The following ST3GAL4 variants were observed in gnomAD, a reference collection of about 807,000 sequenced individuals.
ST3GAL4 encodes the protein ST3 beta-galactoside alpha-2,3-sialyltransferase 4.
A neutral mutation model predicts 42.6 loss-of-function variants in ST3GAL4; 24 were observed. The observed-to-expected ratio is 0.56, with a 90% CI of 0.41 to 0.79. ST3GAL4 has a LOEUF of 0.79. Among genes scored for constraint, ST3GAL4 ranks in the 30% least tolerant of loss-of-function variants. The probability of loss-of-function intolerance (pLI) is 0.00; values close to 1 mark genes in which losing one functional copy is unlikely to be tolerated. For synonymous variants in ST3GAL4, 135 were observed against 163.2 expected, an observed-to-expected ratio of 0.83 and a Z score of 1.32; for missense variants, 311 against 430.8, an observed-to-expected ratio of 0.72 and a Z score of 2.46.
In ST3GAL4 at chr11:126,400,184, C is replaced by A. The variant is rs1953943299; in HGVS notation, c.-60-5912C>A. Among the ~76,000 whole-genome samples the A allele has an allele frequency of 1.3e-5, 2 of 152,200 alleles. No homozygotes were observed. Among genetic ancestry groups the A allele is most frequent in the African/African-American group, 4.8e-5 (2 of 41,450 alleles). On this transcript the variant is annotated intron_variant, in intron 1 of 10. Coordinates refer to ENST00000444328, the MANE Select transcript of ST3GAL4 (RefSeq NM_001254757.2). This position sits in a 1 kb window ranked among gnomAD's most constrained non-coding sequence, Gnocchi z 4.6. Reference sequence around the variant, plus strand: ...ATAGAATTTTATTTGGCTCATGGTTCTGGAGGCTGGGAAGTCCAAGATCAA... The same window carrying A: ...ATAGAATTTTATTTGGCTCATGGTTATGGAGGCTGGGAAGTCCAAGATCAA...
Position 126,376,292 on chromosome 11 carries a change from C to A in ST3GAL4, c.-61+20450C>A, listed in dbSNP as rs1033879196. 6.6e-6 allele frequency among the ~76,000 whole-genome samples: 1 copy of A among 151,920 alleles called. No homozygotes were observed. The highest frequency in any genetic ancestry group is 2.1e-4 in the South Asian group (1 of 4,804). On this transcript the variant is annotated intron_variant, in intron 1 of 10. Coordinates refer to ENST00000444328, the MANE Select transcript of ST3GAL4 (RefSeq NM_001254757.2). The surrounding 1 kb of genome is among the most constrained non-coding windows in gnomAD (Gnocchi z 5.1). ...CCTGTGTGAAAGAGAATTTTTCAGG[C>A]ACAATAATATTTTAAAGAGTTTATT...
chr11:126,405,044 G>T (rs1389152271), intron 1 of ST3GAL4, among the ~76,000 whole-genome samples: 2 of 152,248 alleles, frequency 1.3e-5, no homozygotes, highest in Non-Finnish European at 2.9e-5. Context: ...TGGGCTGTTT[G>T]TGAAAATGCC....
rs778451724 is a variant in ST3GAL4, at chr11:126,406,547, T to A, written c.91T>A (p.Tyr31Asn). Residue 31 changes from tyrosine to asparagine, a missense_variant, in exon 3 of 11, where the codon TAC becomes AAC. Tyr to Asn is a moderately radical substitution (Grantham distance 143). Transcript: ENST00000444328. This position sits in a 1 kb window ranked among gnomAD's most constrained non-coding sequence, Gnocchi z 5.4. ...GTATTCCATCTCCCGGGAAGACAGG[T>A]ACATCGAGCTGTGAGTTCACCTTCC... The part of the protein sequence containing the change: ...VWYSISREDR[Y>N]IELFYFPIPE... 4.3e-6 allele frequency: 7 copies of A among 1,614,068 alleles called. No individual in the cohort carries two copies. The African/African-American group carries it at 8.0e-5, about 18-fold the overall frequency.
chr11:126,408,069 T>C, intron 6 of ST3GAL4, 30 bp from the exon 7 acceptor site: 1 of 1,608,230 alleles, frequency 6.2e-7, no homozygotes, highest in Middle Eastern at 1.7e-4. Flanking sequence ...GAGTGTGGGG[T>C]GACATAGACC....
intron 1 of ST3GAL4, among the ~76,000 whole-genome samples, chr11:126,361,200 G>A (rs1952229808): frequency 6.6e-6 from 1 of 152,162 alleles, no homozygotes. Flanking sequence ...GTACCCCTAC[G>A]GTGGAACCCT....
chr11:126,385,868 GGTGTC>G (rs148030711), intron 1 of ST3GAL4, among the ~76,000 whole-genome samples: 4,439 of 151,834 alleles, frequency 0.029, 215 homozygotes, highest in African/African-American at 0.1. Context: ...CGAATCCAGT[GGTGTC>G]ACTCTTTGTT....
chr11:126,363,394 G>C lies in ST3GAL4; in HGVS notation c.-61+7552G>C, dbSNP rs1793197158. ...TCAGCATTCAGGTTGTCCTCATAGTGGAACTGGGACTCTGGGGGTGGCTGG... is the reference window on the plus strand; with the variant it reads ...TCAGCATTCAGGTTGTCCTCATAGTCGAACTGGGACTCTGGGGGTGGCTGG... On this transcript the variant is annotated intron_variant, in intron 1 of 10. Transcript: ENST00000444328. The surrounding 1 kb of genome is among the most constrained non-coding windows in gnomAD (Gnocchi z 4.6). Among the ~76,000 whole-genome samples the C allele has an allele frequency of 6.6e-6, 1 of 152,152 alleles. No homozygotes were observed. Among genetic ancestry groups the C allele is most frequent in the Non-Finnish European group, 1.5e-5 (1 of 68,030 alleles).
rs1358731847 is a variant in ST3GAL4, at chr11:126,366,776, C to A, written c.-61+10934C>A. Reference sequence around the variant, plus strand: ...CAGCAGATGTTCTGGTGAGGGGAGGCGGGAGTGCAAGGTCTGCCGAGTGAG... The same window carrying A: ...CAGCAGATGTTCTGGTGAGGGGAGGAGGGAGTGCAAGGTCTGCCGAGTGAG... On this transcript the variant is annotated intron_variant, in intron 1 of 10. Coordinates refer to ENST00000444328, the MANE Select transcript of ST3GAL4 (RefSeq NM_001254757.2). This position sits in a 1 kb window ranked among gnomAD's most constrained non-coding sequence, Gnocchi z 4.2. 1.3e-5 allele frequency among the ~76,000 whole-genome samples: 2 copies of A among 152,140 alleles called. No homozygotes were observed. Among genetic ancestry groups the A allele is most frequent in the African/African-American group, 4.8e-5 (2 of 41,416 alleles).
chr11:126,395,225 T>C (rs1041968281), intron 1 of ST3GAL4, among the ~76,000 whole-genome samples: 9 of 152,098 alleles, frequency 5.9e-5, no homozygotes, highest in African/African-American at 2.2e-4. Flanking sequence ...AACACGTTTG[T>C]ATTGAGAGCC....
Position 126,386,324 on chromosome 11 carries a change from T to A in ST3GAL4, c.-60-19772T>A, listed in dbSNP as rs2135461827. 6.6e-6 allele frequency among the ~76,000 whole-genome samples: 1 copy of A among 152,242 alleles called. No homozygotes were observed. The highest frequency in any genetic ancestry group is 1.5e-5 in the Non-Finnish European group (1 of 68,002). On this transcript the variant is annotated intron_variant, in intron 1 of 10. Coordinates refer to ENST00000444328, the MANE Select transcript of ST3GAL4 (RefSeq NM_001254757.2). This position sits in a 1 kb window ranked among gnomAD's most constrained non-coding sequence, Gnocchi z 4.7. ...ATGCCATGAGTCCAGCATGTCACCC[T>A]GTTTCTGTCCTGCCACAGTGCTCGA...
chr11:126,376,996 T>C lies in ST3GAL4; in HGVS notation c.-61+21154T>C, dbSNP rs750762768. 2.0e-5 allele frequency: 3 copies of C among 152,196 alleles called. No individual in the cohort carries two copies. The highest frequency in any genetic ancestry group is 2.9e-5 in the Non-Finnish European group (2 of 68,030). 9.4% of individuals were successfully genotyped at this position (152,196 alleles called of 1,614,324 possible). ...ACCAGGGGGGTAAACATAATAATTA[T>C]AAGGAGAATAATAGCCAAGGATTGA... On this transcript the variant is annotated intron_variant, in intron 1 of 10. Transcript: ENST00000444328. This position sits in a 1 kb window ranked among gnomAD's most constrained non-coding sequence, Gnocchi z 5.1.
At chr11:126,403,130 G>A (rs1489615778) in intron 1 of ST3GAL4, 2 of 153,500 alleles carry the variant, frequency 1.3e-5, no homozygotes, top group Non-Finnish European at 2.9e-5. Context: ...GGGCCACTGA[G>A]CAATCCTCAC....
chr11:126,361,884 C>CTT lies in ST3GAL4; in HGVS notation c.-61+6056_-61+6057dup, dbSNP rs112227008. The stretch of plus-strand genomic sequence containing the variant: ...TTCCTTCTCCGAGAAATTAACACTT[C>CTT]TTTTTTTTTTTTTTTGAGATGGAGT... On this transcript the variant is annotated intron_variant, in intron 1 of 10. Coordinates refer to ENST00000444328, the MANE Select transcript of ST3GAL4 (RefSeq NM_001254757.2). Among the ~76,000 whole-genome samples the CTT allele has an allele frequency of 1.4e-3, 194 of 143,186 alleles. 2 individuals are homozygous for CTT. Among genetic ancestry groups the CTT allele is most frequent in the African/African-American group, 4.6e-3 (179 of 39,244 alleles). 93.9% of individuals were successfully genotyped at this position (143,186 alleles called of 152,430 possible).
At position 126,371,153 on chromosome 11, in the gene ST3GAL4, C is replaced by A. The variant is rs1377023503; in HGVS notation, c.-61+15311C>A. Among the ~76,000 whole-genome samples, 8 of 86,184 alleles carry A rather than the reference C, an allele frequency of 9.3e-5. No individual in the cohort carries two copies. In the Admixed American group the frequency reaches 9.5e-4, roughly 10 times the overall value. 56.5% of individuals were successfully genotyped at this position (86,184 alleles called of 152,430 possible). On this transcript the variant is annotated intron_variant, in intron 1 of 10. Transcript: ENST00000444328. ...TGCTACTATGATCTATTCTATTCTTCCCCACATTCCTTTTTTTTTTTTTTT... is the reference window on the plus strand; with the variant it reads ...TGCTACTATGATCTATTCTATTCTTACCCACATTCCTTTTTTTTTTTTTTT...
Position 126,384,624 on chromosome 11 carries a change from G to C in ST3GAL4, c.-60-21472G>C. ...AATGGGGCGGAACTGGTCAGGGCCT[G>C]GCACCAACTCCAGGATGTGCTACAC... On this transcript the variant is annotated intron_variant, in intron 1 of 10. Coordinates refer to ENST00000444328, the MANE Select transcript of ST3GAL4 (RefSeq NM_001254757.2). The surrounding 1 kb of genome is among the most constrained non-coding windows in gnomAD (Gnocchi z 5.5). 1 of 964,700 alleles carries C rather than the reference G, an allele frequency of 1.0e-6. No individual in the cohort carries two copies. Among genetic ancestry groups the C allele is most frequent in the Non-Finnish European group, 1.2e-6 (1 of 811,096 alleles). The allele number at this position is 964,700 out of a possible 1,614,324, so 59.8% of individuals were successfully genotyped here.
At chr11:126,365,909 G>A (rs1484549544) in intron 1 of ST3GAL4, among the ~76,000 whole-genome samples, 2 of 152,170 alleles carry the variant, frequency 1.3e-5, no homozygotes, top group African/African-American at 2.4e-5. Context: ...AGTACCCTCG[G>A]CCAAATGGCC....
intron 1 of ST3GAL4, among the ~76,000 whole-genome samples, chr11:126,356,533 C>T (rs115664107): frequency 1.0e-3 from 154 of 152,362 alleles, no homozygotes; most frequent in African/African-American, 3.6e-3. Context: ...CACTGCCCCT[C>T]CATTCCCAGT....
Position 126,396,441 on chromosome 11 carries a change from C to T in ST3GAL4, c.-60-9655C>T, listed in dbSNP as rs148243019. Among the ~76,000 whole-genome samples the T allele has an allele frequency of 7.0e-3, 1,063 of 152,130 alleles. 30 individuals are homozygous for T. The highest frequency in any genetic ancestry group is 0.024 in the African/African-American group (987 of 41,380). ...GGATTCATGGAAGTCTGGTGTCCAG[C>T]TGGCAGGCATTAGTGGTCCCATGAA... On this transcript the variant is annotated intron_variant, in intron 1 of 10. Coordinates refer to ENST00000444328, the MANE Select transcript of ST3GAL4 (RefSeq NM_001254757.2). The surrounding 1 kb of genome is among the most constrained non-coding windows in gnomAD (Gnocchi z 5.8).
intron 1 of ST3GAL4, among the ~76,000 whole-genome samples, chr11:126,360,165 G>A (rs771917064): frequency 6.6e-6 from 1 of 152,224 alleles, no homozygotes; most frequent in African/African-American, 2.4e-5. Flanking sequence ...CTCAGGTTGG[G>A]AGGAGGGATT....
Sources: allele counts gnomAD v4.1 joint callset (sites outside exome capture counted in the v4.1 genomes callset), GRCh38; gene constraint gnomAD v4.1.1; non-coding constraint Gnocchi (gnomAD v3.1); transcripts MANE v1.5; gene names NCBI Gene and HGNC (gene_info 2026-07-23, HGNC 2026-07-21).